Variants in NXPH2 observed in about 807,000 individuals in gnomAD.
The protein encoded by NXPH2 is neurexophilin-2.
Under a neutral mutation model 19.8 loss-of-function variants are expected in NXPH2, and 5 were observed. The observed-to-expected ratio is 0.25, with a 90% CI of 0.13 to 0.53. The LOEUF (loss-of-function observed/expected upper bound fraction) is 0.53, where lower values mean the gene tolerates loss of function less well. Among genes scored for constraint, NXPH2 ranks in the 20% least tolerant of loss-of-function variants. NXPH2 has a pLI of 0.96. For missense variants in NXPH2, 289 were observed against 322.8 expected, an observed-to-expected ratio of 0.90 and a Z score of 0.80; for synonymous variants, 154 against 127.4, an observed-to-expected ratio of 1.21 and a Z score of -1.41.
At chr2:138,679,689 T>C (rs1419826811) in intron 1 of NXPH2, among the ~76,000 whole-genome samples, 1 of 152,128 alleles carries the variant, frequency 6.6e-6, no homozygotes, top group Non-Finnish European at 1.5e-5. Flanking sequence ...CGTGAGCCAC[T>C]GCGCCGGGCC....
At chr2:138,687,059 T>C (rs919154595) in intron 1 of NXPH2, among the ~76,000 whole-genome samples, 3 of 152,192 alleles carry the variant, frequency 2.0e-5, no homozygotes, top group East Asian at 1.9e-4. Context: ...ATTTTTTGGG[T>C]ATATACCCAG....
chr2:138,684,506 TTA>T (rs1434342996), intron 1 of NXPH2, among the ~76,000 whole-genome samples: 4 of 152,196 alleles, frequency 2.6e-5, no homozygotes, highest in Admixed American at 1.3e-4. Context: ...GATCCATATT[TTA>T]TATATAATCT....
At chr2:138,724,119 G>A (rs1681320916) in intron 1 of NXPH2, among the ~76,000 whole-genome samples, 1 of 152,028 alleles carries the variant, frequency 6.6e-6, no homozygotes, top group Admixed American at 6.6e-5. Context: ...AGGCCTCAGT[G>A]TGTGTTGTTC....
At chr2:138,718,552 C>G (rs954801852) in intron 1 of NXPH2, among the ~76,000 whole-genome samples, 3 of 152,074 alleles carry the variant, frequency 2.0e-5, no homozygotes, top group Non-Finnish European at 2.9e-5. Flanking sequence ...AAAAGGCTGT[C>G]CAGCAGAACA....
At chr2:138,776,278 C>A (rs987020577) in intron 1 of NXPH2, among the ~76,000 whole-genome samples, 8 of 151,910 alleles carry the variant, frequency 5.3e-5, no homozygotes, top group African/African-American at 1.9e-4. Context: ...TTTAGCATTA[C>A]AATTACTAAT....
chr2:138,671,515 G>C lies in NXPH2; in HGVS notation c.202C>G (p.Pro68Ala). The change falls in exon 2 of 2, where the codon CCC becomes GCC. Residue 68 changes from proline to alanine, a missense_variant. Pro to Ala is a conservative substitution (Grantham distance 27). Transcript: ENST00000272641. ...LFVKQSPVPKPGPMAYADSME... is the reference protein window; with the variant it reads ...LFVKQSPVPKAGPMAYADSME... ...CTGTCTGCGTACGCCATGGGGCCGG[G>C]CTTGGGCACCGGAGACTGTTTAACA... 1 of 1,614,002 alleles carries C rather than the reference G, an allele frequency of 6.2e-7. No individual in the cohort carries two copies. The highest frequency in any genetic ancestry group is 1.1e-5 in the South Asian group (1 of 91,068).
rs915047618 is a variant in NXPH2, at chr2:138,731,154, T to G, written c.51+49037A>C. The stretch of plus-strand genomic sequence containing the variant: ...TGCTGCCTCCATTGTGCTGCTTGCT[T>G]TTTTAGAGCAGGAACCACTTTTCTT... On this transcript the variant is annotated intron_variant, in intron 1 of 1. Transcript: ENST00000272641. Among the ~76,000 whole-genome samples, 7 of 152,202 alleles carry G rather than the reference T, an allele frequency of 4.6e-5. No homozygotes were observed. The South Asian group carries it at 6.2e-4, about 13-fold the overall frequency.
intron 1 of NXPH2, among the ~76,000 whole-genome samples, chr2:138,707,006 A>G (rs1681026207): frequency 6.6e-6 from 1 of 151,428 alleles, no homozygotes; most frequent in Non-Finnish European, 1.5e-5. Flanking sequence ...TGAGAGCAAG[A>G]AAACTATTAA....
intron 1 of NXPH2, among the ~76,000 whole-genome samples, chr2:138,741,059 T>A (rs1573973587): frequency 6.6e-6 from 1 of 152,032 alleles, no homozygotes; most frequent in East Asian, 1.9e-4. Flanking sequence ...AAGTAATAGG[T>A]GCTATATAAA....
intron 1 of NXPH2, among the ~76,000 whole-genome samples, chr2:138,773,789 G>A (rs59729496): frequency 0.024 from 3,709 of 152,124 alleles, 163 homozygotes; most frequent in African/African-American, 0.084. Flanking sequence ...ATCACTTTAT[G>A]TGGCAAAAAA....
rs901510006 is a variant in NXPH2, at chr2:138,759,886, C to T, written c.51+20305G>A. ...CTGGGACTATAGGCACCTGCCACCA[C>T]GCCCGGCTAATTTTTTGTATTTTTA... On this transcript the variant is annotated intron_variant, in intron 1 of 1. Coordinates refer to ENST00000272641, the MANE Select transcript of NXPH2 (RefSeq NM_007226.3). Among the ~76,000 whole-genome samples, 15 of 152,022 alleles carry T rather than the reference C, an allele frequency of 9.9e-5. No individual in the cohort carries two copies. In the South Asian group the frequency reaches 1.2e-3, roughly 13 times the overall value.
At chr2:138,687,395 G>T (rs1447856592) in intron 1 of NXPH2, among the ~76,000 whole-genome samples, 1 of 151,868 alleles carries the variant, frequency 6.6e-6, no homozygotes, top group Non-Finnish European at 1.5e-5. Flanking sequence ...CTTTTTGATG[G>T]GGTTGTTTTT....
In NXPH2 at chr2:138,669,475, A is replaced by C. The variant is rs1324403186; in HGVS notation, c.*1447T>G. On this transcript the variant is annotated 3_prime_UTR_variant, in exon 2 of 2. Coordinates refer to ENST00000272641, the MANE Select transcript of NXPH2 (RefSeq NM_007226.3). ...CAGATATTACCGGTAAAAGGAAAGA[A>C]ATGAAGATAGAGAACAGAGCTCTTG... is the stretch of plus-strand genomic sequence containing the variant. Among the ~76,000 whole-genome samples the C allele has an allele frequency of 2.6e-5, 4 of 152,190 alleles. No homozygotes were observed. The highest frequency in any genetic ancestry group is 4.4e-5 in the Non-Finnish European group (3 of 68,028).
rs185651090 is a variant in NXPH2, at chr2:138,710,439, C to T, written c.52-38774G>A. Among the ~76,000 whole-genome samples, 797 of 152,180 alleles carry T rather than the reference C, an allele frequency of 5.2e-3. 6 individuals are homozygous for T. The highest frequency in any genetic ancestry group is 0.024 in the Middle Eastern group (7 of 292). ...GGGTATATATCCAGGAGAGGAATTG[C>T]TGAGTTATATGGTAATTCTATGTTT... On this transcript the variant is annotated intron_variant, in intron 1 of 1. Coordinates refer to ENST00000272641, the MANE Select transcript of NXPH2 (RefSeq NM_007226.3).
intron 1 of NXPH2, among the ~76,000 whole-genome samples, chr2:138,715,013 G>T (rs961640641): frequency 1.3e-5 from 2 of 152,282 alleles, no homozygotes; most frequent in African/African-American, 4.8e-5. Context: ...AAACTTAGAA[G>T]TGAAATTTGA....
chr2:138,727,259 A>G (rs1448717207), intron 1 of NXPH2, among the ~76,000 whole-genome samples: 3 of 152,224 alleles, frequency 2.0e-5, no homozygotes, highest in Non-Finnish European at 4.4e-5. Context: ...TTTTGTGTGC[A>G]CATAAGTTTT....
intron 1 of NXPH2, among the ~76,000 whole-genome samples, chr2:138,708,566 C>T (rs948426298): frequency 6.6e-6 from 1 of 152,198 alleles, no homozygotes; most frequent in African/African-American, 2.4e-5. Flanking sequence ...TCTTTTTCCT[C>T]TACAATCATA....
intron 1 of NXPH2, among the ~76,000 whole-genome samples, chr2:138,767,975 A>G (rs1471255224): frequency 6.6e-6 from 1 of 151,600 alleles, no homozygotes; most frequent in Admixed American, 6.6e-5. Context: ...TATGTTCTTT[A>G]TTATCTCTAT....
rs1432611227 is a variant in NXPH2 at position 138,670,561 on chromosome 2, G to T, written c.*361C>A. Among the ~76,000 whole-genome samples the T allele has an allele frequency of 1.3e-5, 2 of 152,104 alleles. No homozygotes were observed. The highest frequency in any genetic ancestry group is 6.5e-5 in the Admixed American group (1 of 15,268). On this transcript the variant is annotated 3_prime_UTR_variant, in exon 2 of 2. Coordinates refer to ENST00000272641, the MANE Select transcript of NXPH2 (RefSeq NM_007226.3). Reference sequence around the variant, plus strand: ...TAACCTTCCAAAACATATTTCAAAGGCAGGCTCATTTCAAGAGCAATGTTT... The same window carrying T: ...TAACCTTCCAAAACATATTTCAAAGTCAGGCTCATTTCAAGAGCAATGTTT...
Sources: allele counts gnomAD v4.1 joint callset (sites outside exome capture counted in the v4.1 genomes callset), GRCh38; gene constraint gnomAD v4.1.1; transcripts MANE v1.5; gene names NCBI Gene and HGNC (gene_info 2026-07-23, HGNC 2026-07-21).